The following RASA3 variants were observed in gnomAD, a reference collection of about 807,000 sequenced individuals.
RASA3 encodes the protein RAS p21 protein activator 3.
In RASA3, 73 loss-of-function variants were observed where a neutral mutation model predicts 110.0. The ratio of observed to expected loss-of-function variants is 0.66; its 90% CI spans 0.55 to 0.81. The LOEUF (loss-of-function observed/expected upper bound fraction) is 0.81, where lower values mean the gene tolerates loss of function less well. RASA3 is among the 30% of genes least tolerant of loss of function. The pLI is 0.00. For missense variants in RASA3, 976 were observed against 1,113.2 expected (o/e 0.88, Z 1.75); for synonymous variants, 500 against 451.4 (o/e 1.11, Z -1.37).
rs2139773224 is a variant in RASA3, at chr13:114,115,838, G to A, written c.55+16597C>T. Among the ~76,000 whole-genome samples, 1 of 152,350 alleles carries A rather than the reference G, an allele frequency of 6.6e-6. No individual in the cohort carries two copies. Among genetic ancestry groups the A allele is most frequent in the South Asian group, 2.1e-4 (1 of 4,826 alleles). On this transcript the variant is annotated intron_variant, in intron 1 of 23. Coordinates refer to ENST00000334062, the MANE Select transcript of RASA3 (RefSeq NM_007368.4). This position sits in a 1 kb window ranked among gnomAD's most constrained non-coding sequence, Gnocchi z 5.0. Reference sequence around the variant, plus strand: ...CTACAGATGTATGTGTTTGTGTGAAGCTGTATTTAAATGTGAGATTATTCT... The same window carrying A: ...CTACAGATGTATGTGTTTGTGTGAAACTGTATTTAAATGTGAGATTATTCT...
At chr13:114,063,028 C>T (rs891367548) in intron 2 of RASA3, among the ~76,000 whole-genome samples, 5 of 152,212 alleles carry the variant, frequency 3.3e-5, no homozygotes, top group African/African-American at 1.2e-4. Context: ...TGGAGGATTA[C>T]AGGGCGCGAG....
chr13:114,017,500 C>T, intron 11 of RASA3, 149 bp from the exon 12 acceptor site: 1 of 681,266 alleles, frequency 1.5e-6, no homozygotes, highest in Admixed American at 2.1e-5. Flanking sequence ...GGAGCACAAC[C>T]AGGCCAGGTG....
intron 1 of RASA3, among the ~76,000 whole-genome samples, chr13:114,105,662 G>C (rs1037120022): frequency 8.5e-5 from 13 of 152,336 alleles, no homozygotes; most frequent in African/African-American, 3.1e-4. Context: ...TGGACGGGAG[G>C]CACTGGCGTC....
At chr13:114,128,412 G>A (rs117837940) in intron 1 of RASA3, among the ~76,000 whole-genome samples, 1 of 152,262 alleles carries the variant, frequency 6.6e-6, no homozygotes, top group Non-Finnish European at 1.5e-5. Context: ...ATCAGGCTGA[G>A]AGTGTCAGCT....
At chr13:114,094,247 G>T (rs2079918758) in intron 1 of RASA3, among the ~76,000 whole-genome samples, 2 of 152,092 alleles carry the variant, frequency 1.3e-5, no homozygotes, top group Non-Finnish European at 2.9e-5. Flanking sequence ...ACTAAACATA[G>T]CATTACCATA....
At position 114,056,490 on chromosome 13, in the gene RASA3, G is replaced by A. The variant is rs781562214; in HGVS notation, c.174-4335C>T. ...TGGGCAGCAGGGCTGAGAGTGCGGC[G>A]TCCCTGGGCGCTGCCCGGTAGCGGG... is the stretch of plus-strand genomic sequence containing the variant. On this transcript the variant is annotated intron_variant, in intron 2 of 23. Coordinates refer to ENST00000334062, the MANE Select transcript of RASA3 (RefSeq NM_007368.4). This position sits in a 1 kb window ranked among gnomAD's most constrained non-coding sequence, Gnocchi z 5.7. The A allele has an allele frequency of 1.4e-5, 14 of 985,228 alleles. No individual in the cohort carries two copies. Among genetic ancestry groups the A allele is most frequent in the African/African-American group, 5.2e-5 (3 of 57,218 alleles). The allele number at this position is 985,228 out of a possible 1,614,324, so 61.0% of individuals were successfully genotyped here.
chr13:114,083,591 G>C (rs9525389), intron 1 of RASA3, among the ~76,000 whole-genome samples: 426 of 42,146 alleles, frequency 0.01, 2 homozygotes, highest in Non-Finnish European at 0.015. Flanking sequence ...GACTCCCTTC[G>C]TCCTCGCGGG....
chr13:114,059,811 GCT>G (rs376873494), intron 2 of RASA3, among the ~76,000 whole-genome samples: 2 of 152,184 alleles, frequency 1.3e-5, no homozygotes, highest in East Asian at 1.9e-4. Flanking sequence ...AAACCACAGC[GCT>G]CTCTCTCTCC....
Position 113,992,541 on chromosome 13 carries a change from G to A in RASA3, c.2189C>T (p.Thr730Met), listed in dbSNP as rs749511790. The A allele has an allele frequency of 1.3e-5, 21 of 1,613,618 alleles. No individual in the cohort carries two copies. The highest frequency in any genetic ancestry group is 8.9e-5 in the East Asian group (4 of 44,894). The part of the protein sequence containing the change: ...IQLDIDGDRE[T>M]ERIYSLFNLY... ...GTTGAAGAGGGAGTAGATACGCTCC[G>A]TCTCACGGTCCCCATCAATGTCCAG... Residue 730 changes from threonine (T) to methionine (M), a missense_variant, in exon 22 of 24, where the codon ACG becomes ATG. Transcript: ENST00000334062.
At chr13:114,058,281 C>T (rs1484517862) in intron 2 of RASA3, among the ~76,000 whole-genome samples, 2 of 152,106 alleles carry the variant, frequency 1.3e-5, no homozygotes, top group East Asian at 1.9e-4. Flanking sequence ...GCTGCTGCTG[C>T]GGCGAGGCCG....
intron 1 of RASA3, among the ~76,000 whole-genome samples, chr13:114,097,800 C>T (rs1222343747): frequency 2.0e-5 from 3 of 152,122 alleles, no homozygotes; most frequent in Non-Finnish European, 2.9e-5. Context: ...GCCGACAGGA[C>T]GGGGGACGCA....
chr13:114,015,573 T>A (rs938571482), intron 13 of RASA3, among the ~76,000 whole-genome samples: 1 of 152,184 alleles, frequency 6.6e-6, no homozygotes, highest in Non-Finnish European at 1.5e-5. Flanking sequence ...CCCGACCTCG[T>A]TTACTGAGTG....
chr13:114,117,565 GGTGCATGCAATGCTTCTGT>G, intron 1 of RASA3, among the ~76,000 whole-genome samples: 1 of 147,166 alleles, frequency 6.8e-6, no homozygotes, highest in East Asian at 2.1e-4. Flanking sequence ...GTGTGTGAGG[GGTGCATGCAATGCTTCTGT>G]ATGCACATCT....
intron 13 of RASA3, among the ~76,000 whole-genome samples, chr13:114,015,702 G>T (rs1160812884): frequency 6.6e-6 from 1 of 152,238 alleles, no homozygotes; most frequent in Non-Finnish European, 1.5e-5. Flanking sequence ...TAAAATGTTG[G>T]AGCAAGTTCA....
rs1275344843 is a variant in RASA3, at chr13:114,010,708, GT to G, written c.1590+462del. Among the ~76,000 whole-genome samples, 5 of 1,020 alleles carry G rather than the reference GT, an allele frequency of 4.9e-3. 1 individual carries two copies. The highest frequency in any genetic ancestry group is 7.6e-3 in the Non-Finnish European group (4 of 528). The allele number at this position is 1,020 out of a possible 152,430, so 0.7% of individuals were successfully genotyped here. A position where few individuals can be genotyped will look rare whatever the true frequency, so the allele number is the denominator to read the frequency against. The stretch of plus-strand genomic sequence containing the variant: ...GGGGAGGAGGGGGCTGCATGGGGAG[GT>G]AGTGCAGCATGGGGAGGAGGGGGCC... On this transcript the variant is annotated intron_variant, in intron 16 of 23. Transcript: ENST00000334062.
intron 9 of RASA3, 96 bp downstream of exon 9, chr13:114,021,308 C>T: frequency 6.5e-6 from 7 of 1,078,290 alleles, no homozygotes; most frequent in South Asian, 1.4e-5. Flanking sequence ...AGCCGAGGAC[C>T]AGCACATGTG....
intron 15 of RASA3, among the ~76,000 whole-genome samples, chr13:114,012,669 CCA>C (rs141522015): frequency 0.067 from 8,173 of 122,024 alleles, 770 homozygotes; most frequent in Non-Finnish European, 0.11. Flanking sequence ...TCCACACTCC[CCA>C]CACACTGTCC....
chr13:114,126,028 G>A (rs1454434159), intron 1 of RASA3, among the ~76,000 whole-genome samples: 1 of 68,258 alleles, frequency 1.5e-5, no homozygotes, highest in African/African-American at 6.4e-5. Context: ...GCCCAACCTC[G>A]CACCCTCCAG....
At chr13:113,998,600 G>A (rs1167006617) in intron 20 of RASA3, among the ~76,000 whole-genome samples, 1 of 152,220 alleles carries the variant, frequency 6.6e-6, no homozygotes, top group African/African-American at 2.4e-5. Context: ...AGTCACCAGG[G>A]AGAACGTGGC....
Sources: allele counts gnomAD v4.1 joint callset (sites outside exome capture counted in the v4.1 genomes callset), GRCh38; gene constraint gnomAD v4.1.1; non-coding constraint Gnocchi (gnomAD v3.1); transcripts MANE v1.5; gene names NCBI Gene and HGNC (gene_info 2026-07-23, HGNC 2026-07-21).